The following TMEM165 variants were observed in gnomAD, a reference collection of about 807,000 sequenced individuals.
TMEM165 encodes the protein putative divalent cation/proton antiporter TMEM165.
A neutral mutation model predicts 30.0 loss-of-function variants in TMEM165; 19 were observed. The ratio of observed to expected loss-of-function variants is 0.63; its 90% confidence interval spans 0.44 to 0.93. TMEM165 has a LOEUF of 0.93. TMEM165 is among the 40% of genes least tolerant of loss of function. The probability of loss-of-function intolerance (pLI) is 0.00; values close to 1 mark genes in which losing one functional copy is unlikely to be tolerated. For missense variants in TMEM165, 340 were observed against 417.0 expected (o/e 0.82, Z 1.61); for synonymous variants, 168 against 162.9 (o/e 1.03, Z -0.24).
intron 1 of TMEM165, among the ~76,000 whole-genome samples, chr4:55,403,945 C>G (rs1289306016): frequency 6.6e-6 from 1 of 151,780 alleles, no homozygotes; most frequent in African/African-American, 2.4e-5. Flanking sequence ...TCATATGTTT[C>G]TCTTATTTTG....
intron 2 of TMEM165, among the ~76,000 whole-genome samples, chr4:55,413,469 C>G (rs1025485820): frequency 6.6e-6 from 1 of 152,208 alleles, no homozygotes; most frequent in Non-Finnish European, 1.5e-5. Flanking sequence ...CACATGCCAT[C>G]ACGCCTGGAT....
intron 3 of TMEM165, among the ~76,000 whole-genome samples, chr4:55,436,849 T>C (rs1001894968): frequency 1.3e-5 from 2 of 151,582 alleles, no homozygotes; most frequent in African/African-American, 2.4e-5. Context: ...ATGAGGGGTA[T>C]TGCCTATCTT....
chr4:55,446,152 G>T (rs1366922735), intron 3 of TMEM165, among the ~76,000 whole-genome samples: 1 of 143,690 alleles, frequency 7.0e-6, no homozygotes, highest in Admixed American at 7.2e-5. Flanking sequence ...GGAATGCAGT[G>T]GTGTGATCAC....
At chr4:55,450,587 G>A (rs1724346989) in intron 3 of TMEM165, among the ~76,000 whole-genome samples, 1 of 152,106 alleles carries the variant, frequency 6.6e-6, no homozygotes, top group Non-Finnish European at 1.5e-5. Context: ...GGCCAACAGG[G>A]TGAAACCCCG....
downstream of TMEM165, among the ~76,000 whole-genome samples, chr4:55,426,798 CTG>C (rs1722222338): frequency 6.6e-6 from 1 of 152,196 alleles, no homozygotes; most frequent in African/African-American, 2.4e-5. Flanking sequence ...CATGGTAACT[CTG>C]TGAGGAAGAT....
At chr4:55,434,037 T>C (rs1722694758) in intron 3 of TMEM165, 1 of 152,642 alleles carries the variant, frequency 6.6e-6, no homozygotes, top group South Asian at 2.1e-4. Context: ...TCTAAATTAT[T>C]TGTACCTCCA....
chr4:55,405,620 A>G (rs1318589474), intron 1 of TMEM165, among the ~76,000 whole-genome samples: 1 of 152,126 alleles, frequency 6.6e-6, no homozygotes, highest in Non-Finnish European at 1.5e-5. Context: ...CCTCACCACC[A>G]TCTTTGATTC....
rs911717429 is a variant in TMEM165, at chr4:55,403,447, T to G, written c.207+7051T>G. On this transcript the variant is annotated intron_variant, in intron 1 of 5. Coordinates refer to ENST00000381334, the MANE Select transcript of TMEM165 (RefSeq NM_018475.5). The stretch of plus-strand genomic sequence containing the variant: ...TTCTTTTTCTTCCTTCTCTTGAGGA[T>G]CATGAAAGTATAAAAGAATACTTTC... 48 of 388,954 alleles carry G rather than the reference T, an allele frequency of 1.2e-4. 1 individual carries two copies. The highest frequency in any genetic ancestry group is 1.7e-4 in the Non-Finnish European group (46 of 268,236). 24.1% of individuals were successfully genotyped at this position (388,954 alleles called of 1,614,324 possible).
intron 3 of TMEM165, chr4:55,450,367 T>C: frequency 1.1e-6 from 1 of 919,432 alleles, no homozygotes; most frequent in Non-Finnish European, 1.7e-6. Flanking sequence ...TACATACACA[T>C]GTAAAGAAAT....
chr4:55,420,146 T>TATA (rs375498267), intron 4 of TMEM165, among the ~76,000 whole-genome samples: 1,512 of 40,908 alleles, frequency 0.037, 178 homozygotes, highest in East Asian at 0.059. Flanking sequence ...TATTTATTTA[T>TATA]TTTATTTATT....
intron 2 of TMEM165, among the ~76,000 whole-genome samples, chr4:55,415,092 TG>T (rs1721668405): frequency 6.6e-6 from 1 of 152,178 alleles, no homozygotes; most frequent in Admixed American, 6.5e-5. Context: ...TTGCATCAAT[TG>T]ATGATTCTTG....
chr4:55,442,375 G>A, intron 3 of TMEM165: 1 of 1,445,146 alleles, frequency 6.9e-7, no homozygotes, highest in Non-Finnish European at 9.7e-7. Context: ...TCAAATTATT[G>A]TTTTCTAATC....
chr4:55,441,721 G>A (rs954809535), intron 3 of TMEM165, among the ~76,000 whole-genome samples: 20 of 152,148 alleles, frequency 1.3e-4, no homozygotes, highest in African/African-American at 4.6e-4. Context: ...ATAGACTTTG[G>A]AGGAGGATGG....
At chr4:55,453,214 G>C in exon 4 of TMEM165, 1 of 1,084,864 alleles carries the variant, frequency 9.2e-7, no homozygotes, top group South Asian at 1.3e-5. Context: ...GTGTTGTTAC[G>C]TGTCTCATCT....
chr4:55,442,944 T>C (rs1312439208), intron 3 of TMEM165, among the ~76,000 whole-genome samples: 2 of 152,168 alleles, frequency 1.3e-5, no homozygotes, highest in African/African-American at 4.8e-5. Flanking sequence ...TGGGCATTTT[T>C]CTATTTTTCA....
intron 3 of TMEM165, chr4:55,433,751 T>C (rs1722672771): frequency 1.3e-5 from 2 of 152,226 alleles, no homozygotes; most frequent in South Asian, 4.1e-4. Flanking sequence ...TTTAAATGTA[T>C]GTAACTTGTA....
intron 5 of TMEM165, chr4:55,424,931 C>G: frequency 2.5e-6 from 1 of 394,940 alleles, no homozygotes; most frequent in Non-Finnish European, 4.6e-6. Context: ...GTTTTTGGCT[C>G]TAAAAATGTG....
Position 55,414,306 on chromosome 4 carries a change from T to A in TMEM165, c.433+2467T>A, listed in dbSNP as rs369711626. ...AAAGGACATGAAATTTTTAAATATT[T>A]CACTTGTGTTATCAGTTTTATGTAA... is the stretch of plus-strand genomic sequence containing the variant. On this transcript the variant is annotated intron_variant, in intron 2 of 5. Transcript: ENST00000381334. Among the ~76,000 whole-genome samples the A allele has an allele frequency of 6.4e-3, 974 of 152,310 alleles. 17 individuals are homozygous for A. The highest frequency in any genetic ancestry group is 0.022 in the African/African-American group (904 of 41,552).
intron 2 of TMEM165, 92 bp from the exon 3 acceptor site, chr4:55,416,980 T>C: frequency 1.7e-6 from 2 of 1,165,572 alleles, no homozygotes; most frequent in Non-Finnish European, 2.4e-6. Context: ...CATTTTTCTT[T>C]TAACAGTGAT....
Sources: allele counts gnomAD v4.1 joint callset (sites outside exome capture counted in the v4.1 genomes callset), GRCh38; gene constraint gnomAD v4.1.1; transcripts MANE v1.5; gene names NCBI Gene and HGNC (gene_info 2026-07-23, HGNC 2026-07-21).